ADORA2B: variants seen among roughly 807,000 people sequenced by gnomAD.
ADORA2B encodes adenosine A2b receptor.
In ADORA2B, 18 loss-of-function variants were observed where a neutral mutation model predicts 20.8. The ratio of observed to expected loss-of-function variants is 0.87; its 90% CI spans 0.60 to 1.29. ADORA2B has a LOEUF of 1.29. ADORA2B is among the 50% of genes most tolerant of loss of function. The pLI is 0.00. For missense variants in ADORA2B, 441 were observed against 422.7 expected (o/e 1.04, Z -0.38); for synonymous variants, 179 against 178.3 (o/e 1.00, Z -0.03).
the ADORA2B span, among the ~76,000 whole-genome samples, chr17:15,866,833 G>A: frequency 3.9e-5 from 6 of 152,092 alleles, no homozygotes; most frequent in East Asian, 9.6e-4. Context: ...CTCTGATGCC[G>A]AGCCAAAGCT....
the ADORA2B span, among the ~76,000 whole-genome samples, chr17:15,879,189 A>T: frequency 6.6e-6 from 1 of 152,190 alleles, no homozygotes; most frequent in Non-Finnish European, 1.5e-5. Flanking sequence ...AGTAGCTCAC[A>T]CCTATAATCT....
chr17:15,938,210 TAGAA>T, the ADORA2B span, among the ~76,000 whole-genome samples: 80 of 151,566 alleles, frequency 5.3e-4, no homozygotes, highest in African/African-American at 1.7e-3. Context: ...GGAAGGAAGT[TAGAA>T]AGGAAGGAAG....
chr17:15,938,034 G>A, the ADORA2B span, among the ~76,000 whole-genome samples: 2 of 152,052 alleles, frequency 1.3e-5, no homozygotes, highest in East Asian at 1.9e-4. Flanking sequence ...ACTTTTCCAC[G>A]CCTCCATTTC....
chr17:15,945,839 G>A (rs1354775722), intron 1 of ADORA2B, among the ~76,000 whole-genome samples: 2 of 152,122 alleles, frequency 1.3e-5, no homozygotes, highest in African/African-American at 2.4e-5. Flanking sequence ...CGGGGAGTGC[G>A]GTCCCCGGCG....
the ADORA2B span, among the ~76,000 whole-genome samples, chr17:15,930,672 T>G: frequency 6.6e-6 from 1 of 152,196 alleles, no homozygotes; most frequent in African/African-American, 2.4e-5. Context: ...GGTGATGATT[T>G]GCATCGGGTG....
the ADORA2B span, among the ~76,000 whole-genome samples, chr17:15,855,033 A>C: frequency 2.6e-5 from 4 of 151,612 alleles, no homozygotes; most frequent in Admixed American, 2.6e-4. Context: ...GGGTTCAAGC[A>C]ATTCTCCTGC....
At chr17:15,971,366 G>A (rs1485357555) in intron 1 of ADORA2B, among the ~76,000 whole-genome samples, 7 of 152,222 alleles carry the variant, frequency 4.6e-5, no homozygotes, top group African/African-American at 1.4e-4. Flanking sequence ...CACTGGCCAA[G>A]ACAAATTCAG....
chr17:15,888,815 C>CATATATATATATATATAT, the ADORA2B span, among the ~76,000 whole-genome samples: 1 of 15,734 alleles, frequency 6.4e-5, no homozygotes, highest in African/African-American at 4.3e-4. Flanking sequence ...TATGTGATGC[C>CATATATATATATATATAT]ATATATATAT....
the ADORA2B span, among the ~76,000 whole-genome samples, chr17:15,859,314 T>C: frequency 6.6e-6 from 1 of 151,688 alleles, no homozygotes; most frequent in Non-Finnish European, 1.5e-5. Context: ...AGAAGTTGCT[T>C]GTCAACATTG....
the ADORA2B span, among the ~76,000 whole-genome samples, chr17:15,910,385 T>C: frequency 6.6e-6 from 1 of 151,900 alleles, no homozygotes; most frequent in African/African-American, 2.4e-5. Flanking sequence ...GCAACCTCCA[T>C]CTCCTCGGTT....
the ADORA2B span, among the ~76,000 whole-genome samples, chr17:15,868,552 A>C: frequency 3.1e-3 from 424 of 135,922 alleles, 74 homozygotes; most frequent in Non-Finnish European, 5.2e-3. Flanking sequence ...GCGGGCGGAT[A>C]ACAAGGTCAG....
the ADORA2B span, among the ~76,000 whole-genome samples, chr17:15,912,788 G>C: frequency 1.3e-5 from 2 of 152,190 alleles, no homozygotes; most frequent in Non-Finnish European, 2.9e-5. Flanking sequence ...GATCTCTTCC[G>C]TATTTGCCAC....
Position 15,945,491 on chromosome 17 carries a change from C to T in ADORA2B, c.243C>T (p.Leu81=), listed in dbSNP as rs747095169. The part of the protein sequence containing the change: ...FCTDFYGCLF[L]ACFVLVLTQS... ...CTGACTTCTACGGCTGCCTCTTCCT[C>T]GCCTGCTTCGTGCTGGTGCTCACGC... Residue 81 remains leucine (L), a synonymous_variant, in exon 1 of 2, where the codon CTC becomes CTT. Transcript: ENST00000304222. 2.4e-5 allele frequency: 38 copies of T among 1,612,236 alleles called. 1 individual carries two copies. In the South Asian group the frequency reaches 3.6e-4, roughly 15 times the overall value.
At chr17:15,857,132 G>T in the ADORA2B span, among the ~76,000 whole-genome samples, 6 of 152,196 alleles carry the variant, frequency 3.9e-5, no homozygotes, top group South Asian at 1.2e-3. Flanking sequence ...GGCCAGAAGG[G>T]GCCAATGTAC....
Position 15,964,707 on chromosome 17 carries a change from T to A in ADORA2B, c.336-9972T>A, listed in dbSNP as rs531793574. Among the ~76,000 whole-genome samples the A allele has an allele frequency of 6.8e-5, 10 of 146,520 alleles. No individual in the cohort carries two copies. The East Asian group carries it at 2.0e-3, about 29-fold the overall frequency. ...TATTTATTTTTCTGTTCATAAATAT[T>A]AAAAAAAAAACCTTTTATAGTTTGG... On this transcript the variant is annotated intron_variant, in intron 1 of 1. Transcript: ENST00000304222.
chr17:15,949,586 C>T (rs1056738154), intron 1 of ADORA2B, among the ~76,000 whole-genome samples: 2 of 151,768 alleles, frequency 1.3e-5, no homozygotes, highest in Non-Finnish European at 2.9e-5. Context: ...TAAAGCTTGG[C>T]AGGGGCTGGA....
At chr17:15,864,610 G>A in the ADORA2B span, among the ~76,000 whole-genome samples, 1 of 152,246 alleles carries the variant, frequency 6.6e-6, no homozygotes, top group South Asian at 2.1e-4. Flanking sequence ...GGGAATGTGG[G>A]CTGGGCAGGG....
chr17:15,898,647 G>A, the ADORA2B span, among the ~76,000 whole-genome samples: 581 of 152,090 alleles, frequency 3.8e-3, 1 homozygote, highest in Non-Finnish European at 6.9e-3. Flanking sequence ...GATTACAGGC[G>A]TGAGCCACTG....
chr17:15,889,692 G>A, the ADORA2B span, among the ~76,000 whole-genome samples: 4 of 129,888 alleles, frequency 3.1e-5, 1 homozygote, highest in Non-Finnish European at 6.5e-5. Context: ...GAGCTCAGAC[G>A]TTCGAGACCA....
Sources: allele counts gnomAD v4.1 joint callset (sites outside exome capture counted in the v4.1 genomes callset), GRCh38; gene constraint gnomAD v4.1.1; transcripts MANE v1.5; gene names NCBI Gene and HGNC (gene_info 2026-07-23, HGNC 2026-07-21).